ARHGAP39: variants seen among roughly 807,000 people sequenced by gnomAD.
ARHGAP39 encodes the protein Rho GTPase activating protein 39, also known as rho GTPase-activating protein 39.
In ARHGAP39, 44 loss-of-function variants were observed where a neutral mutation model predicts 106.9. The observed-to-expected ratio is 0.41, with a 90% CI of 0.32 to 0.53. The LOEUF (loss-of-function observed/expected upper bound fraction) is 0.53. Ranked by LOEUF, ARHGAP39 falls within the 20% of genes least tolerant of loss-of-function variation. The pLI is 0.21. For synonymous variants in ARHGAP39, 768 were observed against 693.2 expected, an observed-to-expected ratio of 1.11 and a Z score of -1.69; for missense variants, 1,496 against 1,577.3, an observed-to-expected ratio of 0.95 and a Z score of 0.87.
At chr8:144,549,147 G>A (rs1453161092) in intron 4 of ARHGAP39, among the ~76,000 whole-genome samples, 6 of 152,240 alleles carry the variant, frequency 3.9e-5, no homozygotes, top group African/African-American at 7.2e-5. Context: ...TCACTCATCC[G>A]CAACGAGGGA....
rs748838001 is a variant in ARHGAP39, at chr8:144,580,837, C to T, written c.512+9G>A. 6.5e-7 allele frequency: 1 copy of T among 1,536,388 alleles called. No homozygotes were observed. Among genetic ancestry groups the T allele is most frequent in the Non-Finnish European group, 8.7e-7 (1 of 1,149,080 alleles). On this transcript the variant is annotated intron_variant, in intron 3 of 11. Transcript: ENST00000377307. ...TGGCCCCGCCCATAGCAGCTGCCCC[C>T]GCCCTCACCTGCCGCTGTCCTCCTT...
chr8:144,561,798 A>G (rs906135431), intron 3 of ARHGAP39, among the ~76,000 whole-genome samples: 1 of 134,672 alleles, frequency 7.4e-6, no homozygotes, highest in Non-Finnish European at 1.5e-5. Flanking sequence ...TTTCCATCGG[A>G]CCCCAGTGCT....
At position 144,570,919 on chromosome 8, in the gene ARHGAP39, A is replaced by G. The variant is rs192142192; in HGVS notation, c.512+9927T>C. The stretch of plus-strand genomic sequence containing the variant: ...AATTCCTGGACACATACACCCTCCC[A>G]AGACTAAACCAGGAATAAGTTGAAT... On this transcript the variant is annotated intron_variant, in intron 3 of 11. Transcript: ENST00000377307. Among the ~76,000 whole-genome samples the G allele has an allele frequency of 1.1e-4, 16 of 152,338 alleles. No homozygotes were observed. The East Asian group carries it at 2.7e-3, about 26-fold the overall frequency.
At chr8:144,700,158 C>T in the ARHGAP39 span, among the ~76,000 whole-genome samples, 1 of 152,200 alleles carries the variant, frequency 6.6e-6, no homozygotes, top group Admixed American at 6.5e-5. This position sits in a 1 kb window ranked among gnomAD's most constrained non-coding sequence, Gnocchi z 5.6. Context: ...CGACAGCACT[C>T]ATTCAGTCTC....
intron 1 of ARHGAP39, among the ~76,000 whole-genome samples, chr8:144,614,784 C>T (rs908856887): frequency 6.6e-6 from 1 of 152,250 alleles, no homozygotes; most frequent in Non-Finnish European, 1.5e-5. Context: ...ACTGGGTACG[C>T]TACCACATGC....
upstream of ARHGAP39, among the ~76,000 whole-genome samples, chr8:144,687,598 TGGCGGTGAG>T (rs1822645034): frequency 1.5e-5 from 1 of 66,554 alleles, no homozygotes; most frequent in East Asian, 5.8e-4. Context: ...GACCACACAC[TGGCGGTGAG>T]CACTTCCCAC....
At chr8:144,544,172 A>G (rs1016696982) in intron 6 of ARHGAP39, among the ~76,000 whole-genome samples, 3 of 152,136 alleles carry the variant, frequency 2.0e-5, no homozygotes, top group Non-Finnish European at 2.9e-5. Flanking sequence ...TCTTGTGTTG[A>G]AAAGTCGGGT....
At chr8:144,621,294 A>G (rs560770119) in intron 1 of ARHGAP39, among the ~76,000 whole-genome samples, 1 of 152,400 alleles carries the variant, frequency 6.6e-6, no homozygotes, top group East Asian at 1.9e-4. Context: ...GCTCTAGAAC[A>G]GAAACCGCCC....
chr8:144,530,454 G>T lies in ARHGAP39; in HGVS notation c.3313C>A (p.Leu1105Met). The T allele has an allele frequency of 6.2e-7, 1 of 1,610,098 alleles. No individual in the cohort carries two copies. The highest frequency in any genetic ancestry group is 8.5e-7 in the Non-Finnish European group (1 of 1,178,578). Residue 1105 changes from leucine to methionine, a missense_variant, in exon 12 of 12, where the codon CTG (leucine) becomes ATG (methionine). Leu to Met is a conservative substitution (Grantham distance 15, BLOSUM62 2). This residue lies in a region of ARHGAP39 where 470 missense variants were observed against 605.1 expected (regional missense o/e 0.78). Coordinates refer to ENST00000377307, the MANE Select transcript of ARHGAP39 (RefSeq NM_025251.3). ...ACACCCTCCATGAAGCTGGTGTCCA[G>T]GTGCTGGATGAGCACCCGCAGGAAG... ...MSFLRVLIQH[L>M]DTSFMEGVL
Position 144,580,969 on chromosome 8 carries a change from A to T in ARHGAP39, c.389T>A (p.Val130Asp). 1 of 1,601,380 alleles carries T rather than the reference A, an allele frequency of 6.2e-7. No homozygotes were observed. The stretch of plus-strand genomic sequence containing the variant: ...GGAGCTGGTGCTGCCCTCACGGCTG[A>T]CGCTGCTGCCGCGCCCGGGGCTGCT... ...AESSPGRGSSVSREGSTSSSL... is the reference protein window; with the variant it reads ...AESSPGRGSSDSREGSTSSSL... Residue 130 changes from valine to aspartate, a missense_variant, in exon 3 of 12, where the codon GTC becomes GAC. Coordinates refer to ENST00000377307, the MANE Select transcript of ARHGAP39 (RefSeq NM_025251.3).
chr8:144,636,930 T>C (rs779366483), intron 1 of ARHGAP39, among the ~76,000 whole-genome samples: 9 of 152,236 alleles, frequency 5.9e-5, no homozygotes, highest in Non-Finnish European at 1.0e-4. Context: ...AGAACTGCTA[T>C]TAAGAAGTCC....
upstream of ARHGAP39, among the ~76,000 whole-genome samples, chr8:144,685,886 G>A (rs1035296075): frequency 6.7e-6 from 1 of 149,378 alleles, no homozygotes; most frequent in Non-Finnish European, 1.5e-5. Flanking sequence ...GCAACCCCCC[G>A]CCTCCGGCTC....
At chr8:144,541,500 C>T (rs781767858) in intron 6 of ARHGAP39, among the ~76,000 whole-genome samples, 2 of 152,182 alleles carry the variant, frequency 1.3e-5, no homozygotes, top group South Asian at 4.1e-4. Context: ...ACTTTTTCAT[C>T]TTTCCAAAGC....
intron 3 of ARHGAP39, among the ~76,000 whole-genome samples, chr8:144,556,088 A>T (rs1455254831): frequency 1.3e-5 from 2 of 152,162 alleles, no homozygotes; most frequent in African/African-American, 4.8e-5. Context: ...GATCGAGACC[A>T]TCCTGGCTAA....
intron 1 of ARHGAP39, among the ~76,000 whole-genome samples, chr8:144,623,743 G>A (rs563813048): frequency 6.6e-6 from 1 of 152,314 alleles, no homozygotes; most frequent in Admixed American, 6.5e-5. Flanking sequence ...CACAGAGCAG[G>A]GCATGAAGCA....
intron 1 of ARHGAP39, among the ~76,000 whole-genome samples, chr8:144,652,243 T>A (rs1283008334): frequency 6.6e-6 from 1 of 151,036 alleles, no homozygotes; most frequent in African/African-American, 2.4e-5. Flanking sequence ...AAATAAATAA[T>A]AAAAATAAAA....
rs1006342631 is a variant in ARHGAP39, at chr8:144,591,861, G to C, written c.81-10584C>G. 6.6e-5 allele frequency among the ~76,000 whole-genome samples: 10 copies of C among 152,070 alleles called. No individual in the cohort carries two copies. The highest frequency in any genetic ancestry group is 1.3e-4 in the Non-Finnish European group (9 of 67,988). On this transcript the variant is annotated intron_variant, in intron 2 of 11. Coordinates refer to ENST00000377307, the MANE Select transcript of ARHGAP39 (RefSeq NM_025251.3). The surrounding 1 kb of genome is among the most constrained non-coding windows in gnomAD (Gnocchi z 5.3). ...AGGGCGGCTTCCCCTGGATGGCGGC[G>C]TCGCCTCGTCGCCTCGTGCCTGCGG...
intron 1 of ARHGAP39, among the ~76,000 whole-genome samples, chr8:144,637,260 A>G (rs1452825360): frequency 6.6e-6 from 1 of 152,178 alleles, no homozygotes; most frequent in Non-Finnish European, 1.5e-5. Flanking sequence ...AGAGATTCTC[A>G]ACTTTATCTT....
At chr8:144,635,290 T>C (rs1821146493) in intron 1 of ARHGAP39, among the ~76,000 whole-genome samples, 2 of 152,158 alleles carry the variant, frequency 1.3e-5, no homozygotes, top group African/African-American at 4.8e-5. Flanking sequence ...GTTAAGTTGG[T>C]CACCAACGGT....
Sources: allele counts gnomAD v4.1 joint callset (sites outside exome capture counted in the v4.1 genomes callset), GRCh38; gene constraint gnomAD v4.1.1; regional missense constraint gnomAD v4.1.1; non-coding constraint Gnocchi (gnomAD v3.1); transcripts MANE v1.5; gene names NCBI Gene and HGNC (gene_info 2026-07-23, HGNC 2026-07-21).